The following POGK variants were observed in gnomAD, a reference collection of about 807,000 sequenced individuals.
The protein encoded by POGK is pogo transposable element derived with KRAB domain, also known as pogo transposable element with KRAB domain.
A neutral mutation model predicts 54.4 loss-of-function variants in POGK; 16 were observed. The ratio of observed to expected loss-of-function variants is 0.29; its 90% CI spans 0.20 to 0.45. The LOEUF is 0.45. Among genes scored for constraint, POGK ranks in the 20% least tolerant of loss-of-function variants. The pLI is 1.00. For missense variants in POGK, 515 were observed against 795.6 expected (o/e 0.65, Z 4.24); for synonymous variants, 271 against 302.2 (o/e 0.90, Z 1.07).
Position 166,854,461 on chromosome 1 carries a change from A to G in POGK, c.*1891A>G, listed in dbSNP as rs1658207580. The G allele has an allele frequency of 6.7e-6, 1 of 148,870 alleles. No individual in the cohort carries two copies. The highest frequency in any genetic ancestry group is 2.1e-4 in the South Asian group (1 of 4,668). 9.2% of individuals were successfully genotyped at this position (148,870 alleles called of 1,614,324 possible). Reference sequence around the variant, plus strand: ...ACTGACCCCAACAATAAACTTTGATAATAAAGACAATAGGCTATGGTGATT... The same window carrying G: ...ACTGACCCCAACAATAAACTTTGATGATAAAGACAATAGGCTATGGTGATT... On this transcript the variant is annotated 3_prime_UTR_variant, in exon 6 of 6. Coordinates refer to ENST00000367876, the MANE Select transcript of POGK (RefSeq NM_017542.5).
At chr1:166,842,981 ATTATG>A (rs1336788899) in intron 2 of POGK, among the ~76,000 whole-genome samples, 9 of 152,364 alleles carry the variant, frequency 5.9e-5, no homozygotes, top group Non-Finnish European at 8.8e-5. Context: ...GTTATAGAGA[ATTATG>A]TTAGGGTGAT....
chr1:166,847,439 T>C (rs1657892682), intron 3 of POGK, 55 bp from the exon 4 acceptor site: 5 of 1,350,958 alleles, frequency 3.7e-6, no homozygotes, highest in Non-Finnish European at 5.2e-6. Flanking sequence ...CTTATTTTGG[T>C]AGTGCTCCAG....
Position 166,854,051 on chromosome 1 carries a change from A to C in POGK, c.*1481A>C, listed in dbSNP as rs1658184943. 1 of 152,130 alleles carries C rather than the reference A, an allele frequency of 6.6e-6. No homozygotes were observed. Among genetic ancestry groups the C allele is most frequent in the African/African-American group, 2.4e-5 (1 of 41,378 alleles). The allele number at this position is 152,130 out of a possible 1,614,324, so 9.4% of individuals were successfully genotyped here. A position where few individuals can be genotyped will look rare whatever the true frequency, so the allele number is the denominator to read the frequency against. On this transcript the variant is annotated 3_prime_UTR_variant, in exon 6 of 6. Transcript: ENST00000367876. ...TTCCACCTAATTTTTCATCTGTCCT[A>C]GTTACTGGCTCTTTCTTCATGTCTT... is the stretch of plus-strand genomic sequence containing the variant.
chr1:166,847,969 G>T (rs1657911613), intron 4 of POGK, among the ~76,000 whole-genome samples: 1 of 152,082 alleles, frequency 6.6e-6, no homozygotes, highest in Admixed American at 6.5e-5. Flanking sequence ...GAGTTACCTG[G>T]CTCCCTGTCC....
At position 166,855,185 on chromosome 1, in the gene POGK, T is replaced by G. The variant is rs1658233919; in HGVS notation, c.*2615T>G. 6.6e-6 allele frequency: 1 copy of G among 152,162 alleles called. No individual in the cohort carries two copies. Among genetic ancestry groups the G allele is most frequent in the Admixed American group, 6.5e-5 (1 of 15,280 alleles). 9.4% of individuals were successfully genotyped at this position (152,162 alleles called of 1,614,324 possible). On this transcript the variant is annotated 3_prime_UTR_variant, in exon 6 of 6. Coordinates refer to ENST00000367876, the MANE Select transcript of POGK (RefSeq NM_017542.5). ...AATTCAGAACAACAAAAGAACATGC[T>G]AAGCGAGTCCTCCCACCTGCCTGGT...
chr1:166,841,155 G>GTC, intron 2 of POGK, 67 bp downstream of exon 2: 2 of 1,588,208 alleles, frequency 1.3e-6, no homozygotes, highest in South Asian at 2.3e-5. Flanking sequence ...CTTGCTTTAA[G>GTC]TCTCCTCCTC....
intron 5 of POGK, chr1:166,851,307 A>G (rs987803755): frequency 6.6e-6 from 1 of 152,178 alleles, no homozygotes; most frequent in African/African-American, 2.4e-5. Context: ...GAGTAAGAAT[A>G]ATAGCTTCTA....
In POGK at chr1:166,848,950, C is replaced by T. The variant is rs1657946231; in HGVS notation, c.371C>T (p.Ser124Phe). The stretch of plus-strand genomic sequence containing the variant: ...ATTTGTCTCCCAGAAAATGAAGAAT[C>T]TGACGTAAAGCCTCCAGACTGGCCA... The part of the protein sequence containing the change: ...QGGTSAENEE[S>F]DVKPPDWPNP... Residue 124 changes from serine to phenylalanine, a missense_variant, in exon 5 of 6, where the codon TCT becomes TTT. Coordinates refer to ENST00000367876, the MANE Select transcript of POGK (RefSeq NM_017542.5). The T allele has an allele frequency of 6.3e-7, 1 of 1,586,506 alleles. No individual in the cohort carries two copies.
intron 2 of POGK, among the ~76,000 whole-genome samples, chr1:166,841,829 A>G (rs1249631877): frequency 6.6e-6 from 1 of 152,190 alleles, no homozygotes; most frequent in African/African-American, 2.4e-5. Flanking sequence ...CTATCCATAC[A>G]AGCATGGTAC....
rs1658229710 is a variant in POGK at position 166,855,144 on chromosome 1, AAAAT to A, written c.*2575_*2578del. ...CCTGCACACTTGTACCTCTGAACCT[AAAAT>A]GTTTTTTTTTTAATTCAGAACAACA... On this transcript the variant is annotated 3_prime_UTR_variant, in exon 6 of 6. Coordinates refer to ENST00000367876, the MANE Select transcript of POGK (RefSeq NM_017542.5). The A allele has an allele frequency of 6.6e-6, 1 of 151,872 alleles. No individual in the cohort carries two copies. The highest frequency in any genetic ancestry group is 6.6e-5 in the Admixed American group (1 of 15,266). 9.4% of individuals were successfully genotyped at this position (151,872 alleles called of 1,614,324 possible). A position where few individuals can be genotyped will look rare whatever the true frequency, so the allele number is the denominator to read the frequency against.
chr1:166,844,913 G>T (rs1657773119), intron 2 of POGK, among the ~76,000 whole-genome samples: 1 of 152,204 alleles, frequency 6.6e-6, no homozygotes, highest in South Asian at 2.1e-4. Flanking sequence ...AGTCCTGGAA[G>T]ATGGGTGGGT....
intron 2 of POGK, among the ~76,000 whole-genome samples, chr1:166,841,755 T>C (rs1357429414): frequency 2.0e-5 from 3 of 152,200 alleles, no homozygotes; most frequent in Non-Finnish European, 4.4e-5. Context: ...TTTTCTCTGC[T>C]TATTTTCCGT....
At chr1:166,839,919 C>G (rs1342963031) in intron 1 of POGK, 2 of 152,088 alleles carry the variant, frequency 1.3e-5, no homozygotes, top group African/African-American at 4.9e-5. Flanking sequence ...GCGGCGGTGG[C>G]GCAGGCGGGG....
intron 1 of POGK, chr1:166,840,293 G>A (rs1388782051): frequency 6.6e-6 from 1 of 152,332 alleles, no homozygotes; most frequent in Non-Finnish European, 1.5e-5. Context: ...CCCTGTCGGG[G>A]TGGGCCCCAG....
intron 5 of POGK, chr1:166,852,323 C>T (rs1490402970): frequency 6.6e-6 from 1 of 152,192 alleles, no homozygotes; most frequent in Non-Finnish European, 1.5e-5. Context: ...AAAAGCTATG[C>T]TAAGTTGCAT....
intron 2 of POGK, among the ~76,000 whole-genome samples, chr1:166,845,848 G>A (rs1657823532): frequency 1.3e-5 from 2 of 152,192 alleles, no homozygotes; most frequent in African/African-American, 4.8e-5. Flanking sequence ...TGCTGGGCCA[G>A]GAAGCAGAGG....
intron 4 of POGK, among the ~76,000 whole-genome samples, chr1:166,847,869 T>G (rs1168463812): frequency 6.6e-6 from 1 of 152,120 alleles, no homozygotes; most frequent in Admixed American, 6.5e-5. Flanking sequence ...CAGCATTTGG[T>G]CTAGTGCACC....
chr1:166,841,082 C>T lies in POGK; in HGVS notation c.126C>T (p.Gly42=), dbSNP rs1384183925. 7.4e-6 allele frequency: 12 copies of T among 1,613,566 alleles called. No homozygotes were observed. The highest frequency in any genetic ancestry group is 1.7e-5 in the Admixed American group (1 of 59,992). The change falls in exon 2 of 6, where the codon GGC becomes GGT. Residue 42 remains glycine (G), a synonymous_variant. Coordinates refer to ENST00000367876, the MANE Select transcript of POGK (RefSeq NM_017542.5). ...DMQKVRICSE[G]GWVPALFDEV... is the part of the protein sequence containing the mutation. ...AGAAAGTACGAATCTGCTCTGAGGG[C>T]GGATGGGTAAGTAAGAAGGTGTGGA...
chr1:166,847,789 C>T (rs1362132208), intron 4 of POGK, among the ~76,000 whole-genome samples, 197 bp downstream of exon 4: 1 of 152,182 alleles, frequency 6.6e-6, no homozygotes, highest in African/African-American at 2.4e-5. Flanking sequence ...TCCATTCTTC[C>T]TCTATCAGCT....
Sources: gnomAD v4.1 joint callset for allele counts (sites outside exome capture counted in the v4.1 genomes callset) on GRCh38, gnomAD v4.1.1 for gene constraint, MANE v1.5 for transcripts, NCBI Gene and HGNC (gene_info 2026-07-23, HGNC 2026-07-21) for gene names.